Variants in DNAH11 observed in about 807,000 individuals in gnomAD.
DNAH11 encodes dynein axonemal heavy chain 11.
DNAH11 carries 442 observed loss-of-function variants against 526.0 expected under a neutral mutation model. The ratio of observed to expected loss-of-function variants is 0.84; its 90% CI spans 0.78 to 0.91. The LOEUF (loss-of-function observed/expected upper bound fraction) is 0.91, where lower values mean the gene tolerates loss of function less well. DNAH11 is among the 40% of genes least tolerant of loss of function. DNAH11 has a pLI of 0.00. For missense variants in DNAH11, 6,989 were observed against 5,448.7 expected, an observed-to-expected ratio of 1.28 and a Z score of -8.90; for synonymous variants, 2,461 against 1,935.9, an observed-to-expected ratio of 1.27 and a Z score of -7.12.
intron 30 of DNAH11, among the ~76,000 whole-genome samples, chr7:21,674,271 G>T (rs1782770079): frequency 2.0e-5 from 3 of 152,006 alleles, no homozygotes; most frequent in Admixed American, 2.0e-4. Context: ...GGCCAGACTG[G>T]TCTTGAACTC....
At chr7:21,777,601 T>G (rs780191766) in intron 56 of DNAH11, among the ~76,000 whole-genome samples, 24 of 152,204 alleles carry the variant, frequency 1.6e-4, no homozygotes, top group Non-Finnish European at 2.6e-4. Flanking sequence ...AATTTTTATT[T>G]TAACCATTCT....
chr7:21,604,948 C>G (rs1050903325), intron 18 of DNAH11, among the ~76,000 whole-genome samples: 1 of 152,174 alleles, frequency 6.6e-6, no homozygotes, highest in African/African-American at 2.4e-5. Flanking sequence ...AAGCCCAGGT[C>G]CCTTGGTTCC....
chr7:21,862,143 C>G (rs955691771), intron 69 of DNAH11, 120 bp downstream of exon 69: 2 of 985,758 alleles, frequency 2.0e-6, no homozygotes, highest in African/African-American at 3.3e-5. Flanking sequence ...TTTTGGAAGC[C>G]CTTGGTGGCA....
At chr7:21,621,429 T>G (rs1157404977) in intron 25 of DNAH11, among the ~76,000 whole-genome samples, 1 of 152,072 alleles carries the variant, frequency 6.6e-6, no homozygotes, top group Non-Finnish European at 1.5e-5. Flanking sequence ...CTGAAACTAT[T>G]CCAATCAATA....
intron 14 of DNAH11, among the ~76,000 whole-genome samples, chr7:21,599,372 A>G (rs1015468950): frequency 6.6e-6 from 1 of 152,234 alleles, no homozygotes; most frequent in African/African-American, 2.4e-5. Context: ...ATGTTCCAGA[A>G]CAGTGTTCTC....
intron 65 of DNAH11, among the ~76,000 whole-genome samples, chr7:21,823,018 A>G (rs1327986345): frequency 1.1e-5 from 1 of 89,896 alleles, no homozygotes; most frequent in Non-Finnish European, 2.1e-5. Context: ...TATTCTAGTT[A>G]TTAATCCTTG....
chr7:21,595,268 C>T (rs1442772435), intron 14 of DNAH11, among the ~76,000 whole-genome samples: 2 of 152,152 alleles, frequency 1.3e-5, no homozygotes, highest in African/African-American at 4.8e-5. Flanking sequence ...GAAGGCTCTG[C>T]CCTCAGGACC....
At chr7:21,617,857 G>C (rs886932535) in intron 23 of DNAH11, 80 bp downstream of exon 23, 7 of 1,407,924 alleles carry the variant, frequency 5.0e-6, no homozygotes, top group Non-Finnish European at 6.6e-6. Context: ...CTGAGATGAA[G>C]TGTAATTTAT....
At chr7:21,626,865 C>G (rs980259241) in intron 25 of DNAH11, among the ~76,000 whole-genome samples, 4 of 150,924 alleles carry the variant, frequency 2.7e-5, no homozygotes, top group African/African-American at 4.9e-5. Context: ...ATTCTTCTGC[C>G]TCAGCCTCCC....
At chr7:21,785,697 A>G (rs887537012) in intron 58 of DNAH11, among the ~76,000 whole-genome samples, 1 of 68,424 alleles carries the variant, frequency 1.5e-5, no homozygotes, top group African/African-American at 5.7e-5. Flanking sequence ...GAAGCTGTGT[A>G]TATGTATAAG....
At chr7:21,555,551 T>C (rs1783183182) in intron 2 of DNAH11, among the ~76,000 whole-genome samples, 5 of 152,346 alleles carry the variant, frequency 3.3e-5, no homozygotes, top group Middle Eastern at 3.4e-3. Flanking sequence ...AGAACAGAAC[T>C]ATGGATTGGG....
Position 21,619,090 on chromosome 7 carries a change from C to G in DNAH11, c.4255-10C>G, listed in dbSNP as rs200917573. ...GGAATATAAAGTCTAACTTTTTTTC[C>G]CCCAATCAGGTCAAGTTTTTAATAA... On this transcript the variant is annotated splice_polypyrimidine_tract_variant and intron_variant, in intron 23 of 81. Coordinates refer to ENST00000409508, the MANE Select transcript of DNAH11 (RefSeq NM_001277115.2). 1.7e-5 allele frequency: 28 copies of G among 1,612,244 alleles called. No individual in the cohort carries two copies. In the South Asian group the frequency reaches 2.2e-4, roughly 13 times the overall value.
chr7:21,760,621 G>A (rs1207796605), intron 54 of DNAH11, among the ~76,000 whole-genome samples: 1 of 152,154 alleles, frequency 6.6e-6, no homozygotes, highest in Non-Finnish European at 1.5e-5. Flanking sequence ...TGATGGGGGA[G>A]GTTTTGCTTC....
chr7:21,802,253 G>A (rs7799928), intron 62 of DNAH11, among the ~76,000 whole-genome samples: 2,144 of 152,228 alleles, frequency 0.014, 40 homozygotes, highest in African/African-American at 0.049. Context: ...TCCATTAGTC[G>A]TTAGAGAAAT....
At chr7:21,668,211 C>T (rs765903032) in intron 30 of DNAH11, among the ~76,000 whole-genome samples, 11 of 152,196 alleles carry the variant, frequency 7.2e-5, no homozygotes, top group African/African-American at 2.6e-4. Context: ...TTATATACAT[C>T]TTATGAACAG....
At chr7:21,558,653 G>A (rs1292096657) in intron 2 of DNAH11, 149 bp from the exon 3 acceptor site, 7 of 616,098 alleles carry the variant, frequency 1.1e-5, no homozygotes, top group Non-Finnish European at 1.9e-5. Context: ...AATCTAAATG[G>A]GTCACTGACT....
intron 37 of DNAH11, chr7:21,703,448 G>C (rs1784141259): frequency 6.6e-6 from 1 of 152,348 alleles, no homozygotes; most frequent in Admixed American, 6.5e-5. Flanking sequence ...CAGTTCTACA[G>C]GCTTAACAGG....
chr7:21,715,475 G>A (rs1269355108), intron 42 of DNAH11, among the ~76,000 whole-genome samples: 1 of 152,186 alleles, frequency 6.6e-6, no homozygotes, highest in Non-Finnish European at 1.5e-5. Context: ...GCCATTTCCT[G>A]AGGTGGGGCA....
intron 30 of DNAH11, among the ~76,000 whole-genome samples, chr7:21,669,952 A>T (rs1782579048): frequency 6.6e-6 from 1 of 152,120 alleles, no homozygotes; most frequent in South Asian, 2.1e-4. Flanking sequence ...TAATCCTTAA[A>T]GTCATTTTAT....
Sources: gnomAD v4.1 joint callset for allele counts (sites outside exome capture counted in the v4.1 genomes callset) on GRCh38, gnomAD v4.1.1 for gene constraint, MANE v1.5 for transcripts, NCBI Gene and HGNC (gene_info 2026-07-23, HGNC 2026-07-21) for gene names.